AASS: variants seen among roughly 807,000 people sequenced by gnomAD.
AASS encodes the protein aminoadipate-semialdehyde synthase, also known as alpha-aminoadipic semialdehyde synthase, mitochondrial.
Under a neutral mutation model 105.4 loss-of-function variants are expected in AASS, and 86 were observed. The observed-to-expected ratio is 0.82, with a 90% CI of 0.69 to 0.98. AASS has a LOEUF of 0.98. Ranked by LOEUF, AASS falls within the 50% of genes least tolerant of loss-of-function variation. AASS has a pLI of 0.00. For synonymous variants in AASS, 381 were observed against 394.8 expected, an observed-to-expected ratio of 0.96 and a Z score of 0.41; for missense variants, 1,048 against 1,143.2, an observed-to-expected ratio of 0.92 and a Z score of 1.20.
chr7:122,135,431 G>A (rs1584902783), intron 1 of AASS, among the ~76,000 whole-genome samples: 1 of 151,932 alleles, frequency 6.6e-6, no homozygotes, highest in Non-Finnish European at 1.5e-5. Context: ...CTCTTCCTGG[G>A]TTTTCTCTCC....
chr7:122,123,607 A>G (rs1257055208), intron 4 of AASS, among the ~76,000 whole-genome samples: 2 of 152,226 alleles, frequency 1.3e-5, no homozygotes, highest in Non-Finnish European at 2.9e-5. Context: ...AGCAGAAATA[A>G]TATGTTCAGA....
At chr7:122,100,899 T>C (rs1254882099) in intron 13 of AASS, among the ~76,000 whole-genome samples, 1 of 151,874 alleles carries the variant, frequency 6.6e-6, no homozygotes, top group African/African-American at 2.4e-5. Flanking sequence ...CTTTCATCAA[T>C]TGTTTATTCA....
At position 122,113,005 on chromosome 7, in the gene AASS, C is replaced by A. The variant is rs1584866900; in HGVS notation, c.1278+113G>T. 4.8e-6 allele frequency: 4 copies of A among 840,246 alleles called. No homozygotes were observed. The South Asian group carries it at 5.7e-5, about 12-fold the overall frequency. The allele number at this position is 840,246 out of a possible 1,614,324, so 52.0% of individuals were successfully genotyped here. A position where few individuals can be genotyped will look rare whatever the true frequency, so the allele number is the denominator to read the frequency against. On this transcript the variant is annotated intron_variant, in intron 11 of 23. Transcript: ENST00000417368. ...AGTAAGTATTTCAGGGAAGGGCTGG[C>A]ATTTCATTTTACAGCAGATTTCTTA...
intron 18 of AASS, among the ~76,000 whole-genome samples, chr7:122,090,763 T>C (rs1793858264): frequency 6.6e-6 from 1 of 152,146 alleles, no homozygotes; most frequent in South Asian, 2.1e-4. Flanking sequence ...GGATACTGGC[T>C]CTGTCACTTG....
At chr7:122,127,477 A>T (rs1329703288) in intron 3 of AASS, among the ~76,000 whole-genome samples, 4 of 152,102 alleles carry the variant, frequency 2.6e-5, no homozygotes, top group Non-Finnish European at 5.9e-5. Context: ...TAATTTTCTT[A>T]TAATGAACAA....
Position 122,081,437 on chromosome 7 carries a change from C to T in AASS, c.2280+63G>A. Reference sequence around the variant, plus strand: ...TTGCAGATCCAAAGCAGAGTTCACCCCCGACCATTTCAGAAGGTATTTCTG... The same window carrying T: ...TTGCAGATCCAAAGCAGAGTTCACCTCCGACCATTTCAGAAGGTATTTCTG... On this transcript the variant is annotated intron_variant, in intron 20 of 23. Transcript: ENST00000417368. The T allele has an allele frequency of 7.7e-7, 1 of 1,295,918 alleles. No individual in the cohort carries two copies. Among genetic ancestry groups the T allele is most frequent in the East Asian group, 2.3e-5 (1 of 43,466 alleles). 80.3% of individuals were successfully genotyped at this position (1,295,918 alleles called of 1,614,324 possible).
At chr7:122,125,153 C>T (rs1795600147) in intron 4 of AASS, among the ~76,000 whole-genome samples, 1 of 152,052 alleles carries the variant, frequency 6.6e-6, no homozygotes, top group Non-Finnish European at 1.5e-5. Flanking sequence ...CTCCTGACCT[C>T]AAATGATCCG....
chr7:122,093,707 G>C (rs2150517597), intron 15 of AASS, among the ~76,000 whole-genome samples: 1 of 152,278 alleles, frequency 6.6e-6, no homozygotes, highest in East Asian at 1.9e-4. Context: ...CTACTCCAGA[G>C]ACTGAAGTGG....
Position 122,113,923 on chromosome 7 carries a change from CAAAAAAAA to C in AASS, c.1044-211_1044-204del, listed in dbSNP as rs776611119. ...TCTTCCCAGTATGAATTTTAGTCTC[CAAAAAAAA>C]AAAAAAAAAGAAAGAAAGAAAGAAA... On this transcript the variant is annotated intron_variant, in intron 9 of 23. Coordinates refer to ENST00000417368, the MANE Select transcript of AASS (RefSeq NM_005763.4). Among the ~76,000 whole-genome samples the C allele has an allele frequency of 1.1e-4, 6 of 56,274 alleles. No homozygotes were observed. In the Admixed American group the frequency reaches 1.2e-3, roughly 12 times the overall value. The allele number at this position is 56,274 out of a possible 152,430, so 36.9% of individuals were successfully genotyped here.
At chr7:122,136,552 CA>C (rs1408188997) in intron 1 of AASS, among the ~76,000 whole-genome samples, 1 of 152,118 alleles carries the variant, frequency 6.6e-6, no homozygotes, top group African/African-American at 2.4e-5. Context: ...AACTCAATCC[CA>C]AACCCATAAC....
intron 11 of AASS, 24 bp from the exon 12 acceptor site, chr7:122,101,704 A>C: frequency 6.3e-7 from 1 of 1,589,184 alleles, no homozygotes; most frequent in Non-Finnish European, 8.6e-7. Context: ...GAGATTTGTA[A>C]GAGATAAATG....
At chr7:122,105,593 C>A (rs990711045) in intron 11 of AASS, among the ~76,000 whole-genome samples, 10 of 151,924 alleles carry the variant, frequency 6.6e-5, no homozygotes, top group Admixed American at 1.3e-4. Context: ...AAACTACAAA[C>A]ACATGCAAAT....
intron 11 of AASS, among the ~76,000 whole-genome samples, chr7:122,105,322 C>A (rs1179474990): frequency 6.6e-6 from 1 of 151,910 alleles, no homozygotes; most frequent in Non-Finnish European, 1.5e-5. Context: ...GAAAGATCAA[C>A]CAGAAAGAAA....
In AASS at chr7:122,138,494, C is replaced by T. The variant is rs115892931; in HGVS notation, c.-15-4753G>A. 5.6e-3 allele frequency among the ~76,000 whole-genome samples: 848 copies of T among 152,288 alleles called. 9 individuals are homozygous for T. Among genetic ancestry groups the T allele is most frequent in the African/African-American group, 0.019 (808 of 41,550 alleles). On this transcript the variant is annotated intron_variant, in intron 1 of 23. Transcript: ENST00000417368. ...GGTCTCTCTCACTCTCTCTTTCTCT[C>T]TCACAATATCTTAGTGTACTTTATT...
chr7:122,098,340 T>C (rs1584839804), intron 15 of AASS, 110 bp downstream of exon 15: 1 of 1,285,032 alleles, frequency 7.8e-7, no homozygotes, highest in East Asian at 2.4e-5. Context: ...ATACTTCAAT[T>C]AAAAACTTTA....
rs1793676700 is a variant in AASS, at chr7:122,087,277, C to T, written c.2017-1098G>A. Among the ~76,000 whole-genome samples, 3 of 152,254 alleles carry T rather than the reference C, an allele frequency of 2.0e-5. No individual in the cohort carries two copies. The South Asian group carries it at 6.2e-4, about 32-fold the overall frequency. ...CTTTGTATGAGAGAGAAAATGGAAA[C>T]TCATTTATCTGTGGATGAAGCCCCA... On this transcript the variant is annotated intron_variant, in intron 18 of 23. Transcript: ENST00000417368.
Position 122,113,181 on chromosome 7 carries a change from T to G in AASS, c.1215A>C (p.Ala405=). 1 of 1,614,084 alleles carries G rather than the reference T, an allele frequency of 6.2e-7. No individual in the cohort carries two copies. Among genetic ancestry groups the G allele is most frequent in the East Asian group, 2.2e-5 (1 of 44,842 alleles). The change falls in exon 11 of 24, where the codon GCA becomes GCC. Residue 405 remains alanine (A), a synonymous_variant. Coordinates refer to ENST00000417368, the MANE Select transcript of AASS (RefSeq NM_005763.4). Reference sequence around the variant, plus strand: ...ATTCTGTAGCTTCAATTGGGAGCTGTGCCGGCAAATTGTCAATGGAACACA... The same window carrying G: ...ATTCTGTAGCTTCAATTGGGAGCTGGGCCGGCAAATTGTCAATGGAACACA... The part of the protein sequence containing the change: ...ILMCSIDNLP[A]QLPIEATECF...
At chr7:122,115,787 A>T (rs779297132) in intron 8 of AASS, among the ~76,000 whole-genome samples, 38 of 152,266 alleles carry the variant, frequency 2.5e-4, no homozygotes, top group Non-Finnish European at 5.0e-4. Context: ...GTGATTGGGG[A>T]AATGAGAAGG....
chr7:122,078,988 C>G (rs1298225834), intron 21 of AASS, 38 bp from the exon 22 acceptor site: 2 of 1,613,782 alleles, frequency 1.2e-6, no homozygotes, highest in East Asian at 4.5e-5. Flanking sequence ...AGTTCAAGTC[C>G]TATACATGTT....
Sources: gnomAD v4.1 joint callset for allele counts (sites outside exome capture counted in the v4.1 genomes callset) on GRCh38, gnomAD v4.1.1 for gene constraint, MANE v1.5 for transcripts, NCBI Gene and HGNC (gene_info 2026-07-23, HGNC 2026-07-21) for gene names.